The following RGS8 variants were observed in gnomAD, a reference collection of about 807,000 sequenced individuals.
RGS8 encodes regulator of G-protein signaling 8.
RGS8 carries 8 observed loss-of-function variants against 21.7 expected under a neutral mutation model. The ratio of observed to expected loss-of-function variants is 0.37; its 90% CI spans 0.22 to 0.66. The LOEUF is 0.66. Ranked by LOEUF, RGS8 falls within the 30% of genes least tolerant of loss-of-function variation. RGS8 has a pLI of 0.59. For synonymous variants in RGS8, 80 were observed against 83.6 expected, an observed-to-expected ratio of 0.96 and a Z score of 0.24; for missense variants, 157 against 217.9, an observed-to-expected ratio of 0.72 and a Z score of 1.76.
upstream of RGS8, among the ~76,000 whole-genome samples, chr1:182,674,530 G>A (rs1664294607): frequency 6.6e-6 from 1 of 152,120 alleles, no homozygotes; most frequent in South Asian, 2.1e-4. Context: ...CATAGTTTGA[G>A]AAGTACAGAC....
At chr1:182,714,948 C>G in the RGS8 span, among the ~76,000 whole-genome samples, 4 of 152,076 alleles carry the variant, frequency 2.6e-5, no homozygotes, top group African/African-American at 9.7e-5. Context: ...GATGCGTTAC[C>G]CCTACGCCAT....
chr1:182,703,060 A>T, the RGS8 span, among the ~76,000 whole-genome samples: 1 of 152,204 alleles, frequency 6.6e-6, no homozygotes, highest in Non-Finnish European at 1.5e-5. Flanking sequence ...CTTTTTGAGT[A>T]CTTATTATGT....
At chr1:182,689,459 T>C (rs1337620894), upstream of RGS8, among the ~76,000 whole-genome samples, 2 of 152,202 alleles carry the variant, frequency 1.3e-5, no homozygotes, top group Non-Finnish European at 2.9e-5. Flanking sequence ...TACAGTATTA[T>C]CTGTCACAGG....
At chr1:182,658,029 C>T (rs941126641) in intron 5 of RGS8, among the ~76,000 whole-genome samples, 3 of 152,158 alleles carry the variant, frequency 2.0e-5, no homozygotes, top group Admixed American at 6.5e-5. Flanking sequence ...TTCAAGAAGT[C>T]AAGGGTGCTA....
At chr1:182,678,933 C>T (rs1318101216) in intron 1 of RGS8, among the ~76,000 whole-genome samples, 2 of 152,122 alleles carry the variant, frequency 1.3e-5, no homozygotes, top group Non-Finnish European at 2.9e-5. Flanking sequence ...ATACCTGGAC[C>T]TCTTTTCACT....
the RGS8 span, among the ~76,000 whole-genome samples, chr1:182,735,601 G>A: frequency 6.6e-6 from 1 of 152,274 alleles, no homozygotes; most frequent in Admixed American, 6.5e-5. Context: ...CAAAGAGAGG[G>A]CCCTGGTGGA....
At chr1:182,727,936 A>G in the RGS8 span, among the ~76,000 whole-genome samples, 1 of 152,248 alleles carries the variant, frequency 6.6e-6, no homozygotes, top group Non-Finnish European at 1.5e-5. Flanking sequence ...ATTTAACTGA[A>G]TAAAACACAC....
the RGS8 span, chr1:182,734,681 G>A: frequency 3.3e-5 from 5 of 152,206 alleles, no homozygotes; most frequent in Non-Finnish European, 7.3e-5. Flanking sequence ...TAACAAAGGA[G>A]GTGAGGGAAT....
chr1:182,652,618 A>G (rs1411463334), intron 5 of RGS8, among the ~76,000 whole-genome samples: 1 of 152,260 alleles, frequency 6.6e-6, no homozygotes, highest in East Asian at 1.9e-4. Context: ...TATGTGACTC[A>G]GGCTATGCTA....
intron 3 of RGS8, among the ~76,000 whole-genome samples, chr1:182,668,471 G>T (rs984563719): frequency 1.3e-5 from 2 of 152,168 alleles, no homozygotes; most frequent in African/African-American, 2.4e-5. Context: ...TACTTCAAAT[G>T]GATTTTCATC....
chr1:182,686,985 G>A (rs1664725952), upstream of RGS8, among the ~76,000 whole-genome samples: 2 of 152,158 alleles, frequency 1.3e-5, no homozygotes, highest in South Asian at 2.1e-4. Context: ...AGTCAAATAC[G>A]GCAGAGAAGT....
intron 5 of RGS8, among the ~76,000 whole-genome samples, chr1:182,661,875 C>T (rs146595739): frequency 3.3e-5 from 5 of 152,094 alleles, no homozygotes; most frequent in African/African-American, 1.2e-4. Context: ...ATGCACAACT[C>T]ACAGACATGG....
At chr1:182,663,085 G>T (rs1162748892) in intron 5 of RGS8, among the ~76,000 whole-genome samples, 1 of 152,120 alleles carries the variant, frequency 6.6e-6, no homozygotes, top group African/African-American at 2.4e-5. Context: ...GTCATTCAGG[G>T]ATTCTTCACT....
At chr1:182,723,830 G>A in the RGS8 span, among the ~76,000 whole-genome samples, 1 of 152,062 alleles carries the variant, frequency 6.6e-6, no homozygotes, top group Non-Finnish European at 1.5e-5. Flanking sequence ...TAGAATCAGT[G>A]ATGACTCTAA....
the RGS8 span, among the ~76,000 whole-genome samples, chr1:182,728,641 A>T: frequency 6.6e-6 from 1 of 152,236 alleles, no homozygotes; most frequent in African/African-American, 2.4e-5. Context: ...AAAATTTAAT[A>T]GTATTCTTTA....
chr1:182,721,048 T>TATATATGTGTGTATATATACATATATAA, the RGS8 span, among the ~76,000 whole-genome samples: 1 of 70,754 alleles, frequency 1.4e-5, no homozygotes, highest in Non-Finnish European at 2.8e-5. Context: ...TACATATACA[T>TATATATGTGTGTATATATACATATATAA]ACATATATAT....
At chr1:182,723,409 T>A in the RGS8 span, among the ~76,000 whole-genome samples, 1 of 152,130 alleles carries the variant, frequency 6.6e-6, no homozygotes, top group Non-Finnish European at 1.5e-5. Flanking sequence ...AGGCCTCAGC[T>A]CCTTACTACA....
the RGS8 span, among the ~76,000 whole-genome samples, chr1:182,713,060 G>A: frequency 3.9e-5 from 6 of 152,178 alleles, no homozygotes; most frequent in Admixed American, 1.3e-4. Context: ...AGTTGCCATC[G>A]TCCCAAATTG....
At chr1:182,691,602 C>A in the RGS8 span, among the ~76,000 whole-genome samples, 2 of 89,820 alleles carry the variant, frequency 2.2e-5, no homozygotes, top group East Asian at 3.6e-4. Flanking sequence ...AACATCCCTT[C>A]ATGTTAAAAA....
Sources: allele counts gnomAD v4.1 joint callset (sites outside exome capture counted in the v4.1 genomes callset), GRCh38; gene constraint gnomAD v4.1.1; transcripts MANE v1.5; gene names NCBI Gene and HGNC (gene_info 2026-07-23, HGNC 2026-07-21).